The following SOX5 variants were observed in gnomAD, a reference collection of about 807,000 sequenced individuals.
SOX5 encodes SRY-box transcription factor 5.
A neutral mutation model predicts 92.0 loss-of-function variants in SOX5; 9 were observed. The ratio of observed to expected loss-of-function variants is 0.10; its 90% CI spans 0.06 to 0.17. The LOEUF (loss-of-function observed/expected upper bound fraction) is 0.17, where lower values mean the gene tolerates loss of function less well. Among genes scored for constraint, SOX5 ranks in the 10% least tolerant of loss-of-function variants. The probability of loss-of-function intolerance (pLI) is 1.00; values close to 1 mark genes in which losing one functional copy is unlikely to be tolerated. For synonymous variants in SOX5, 344 were observed against 336.3 expected, an observed-to-expected ratio of 1.02 and a Z score of -0.25; for missense variants, 642 against 944.5, an observed-to-expected ratio of 0.68 and a Z score of 4.20.
At chr12:24,324,372 T>C (rs537407241) in intron 2 of SOX5, among the ~76,000 whole-genome samples, 1 of 152,274 alleles carries the variant, frequency 6.6e-6, no homozygotes, top group Admixed American at 6.5e-5. Flanking sequence ...ACAAGCTATC[T>C]TCTGTCTCTG....
chr12:23,550,125 G>A (rs1943910694), intron 11 of SOX5, among the ~76,000 whole-genome samples: 2 of 151,932 alleles, frequency 1.3e-5, no homozygotes, highest in African/African-American at 4.8e-5. Context: ...TCTAAAAGGG[G>A]AGCCAAGAAA....
chr12:23,847,074 TA>T (rs1271912915), intron 2 of SOX5, among the ~76,000 whole-genome samples: 1 of 152,144 alleles, frequency 6.6e-6, no homozygotes, highest in Admixed American at 6.6e-5. Context: ...ATATTTTGTA[TA>T]AAACATATTA....
chr12:23,534,704 C>CTTT (rs60460683), intron 14 of SOX5, among the ~76,000 whole-genome samples, 182 bp from the exon 15 acceptor site: 12 of 108,840 alleles, frequency 1.1e-4, no homozygotes, highest in Non-Finnish European at 1.5e-4. Context: ...CTTTTCTTTT[C>CTTT]TTTTTTTTTT....
At chr12:24,147,107 G>A (rs1286577539) in intron 4 of SOX5, among the ~76,000 whole-genome samples, 4 of 152,114 alleles carry the variant, frequency 2.6e-5, no homozygotes, top group Non-Finnish European at 5.9e-5. Flanking sequence ...GTGAAAAGGA[G>A]GAAATGCTTC....
intron 2 of SOX5, among the ~76,000 whole-genome samples, chr12:24,312,112 A>C (rs568095265): frequency 3.9e-4 from 59 of 152,368 alleles, no homozygotes; most frequent in African/African-American, 1.3e-3. Flanking sequence ...CATTGAGACC[A>C]CAACTATTTA....
intron 1 of SOX5, among the ~76,000 whole-genome samples, chr12:24,533,033 T>A (rs969976782): frequency 6.6e-6 from 1 of 152,238 alleles, no homozygotes; most frequent in Non-Finnish European, 1.5e-5. Flanking sequence ...TAGAAGTCTA[T>A]ATCCTCAATG....
chr12:24,485,662 T>C (rs1284263186), intron 1 of SOX5, among the ~76,000 whole-genome samples: 3 of 152,190 alleles, frequency 2.0e-5, no homozygotes, highest in African/African-American at 7.2e-5. Context: ...TGGTATCTAA[T>C]AGTTATCAAT....
intron 1 of SOX5, among the ~76,000 whole-genome samples, chr12:24,370,439 C>T (rs1272237854): frequency 2.1e-5 from 3 of 140,960 alleles, no homozygotes; most frequent in Non-Finnish European, 4.5e-5. Flanking sequence ...ACTGCGCCAC[C>T]GCACTCCAGC....
chr12:24,281,578 G>A (rs1186283618), intron 2 of SOX5, among the ~76,000 whole-genome samples: 3 of 152,312 alleles, frequency 2.0e-5, no homozygotes, highest in East Asian at 1.9e-4. Context: ...CTTGGGCAAC[G>A]CTCACCGCAT....
At chr12:24,483,487 T>C (rs1946208703) in intron 1 of SOX5, among the ~76,000 whole-genome samples, 1 of 152,226 alleles carries the variant, frequency 6.6e-6, no homozygotes, top group African/African-American at 2.4e-5. Context: ...GCAGTCTTGT[T>C]AATCAAAACT....
At chr12:24,102,744 T>C (rs1215338360) in intron 4 of SOX5, among the ~76,000 whole-genome samples, 3 of 152,248 alleles carry the variant, frequency 2.0e-5, no homozygotes, top group African/African-American at 7.2e-5. Context: ...TCTTATCTAC[T>C]AATTCAGTTT....
intron 8 of SOX5, among the ~76,000 whole-genome samples, chr12:23,636,707 C>A (rs900192302): frequency 2.0e-5 from 3 of 152,142 alleles, no homozygotes; most frequent in Non-Finnish European, 4.4e-5. Flanking sequence ...CCTGCTACTT[C>A]TTTCATTATT....
intron 8 of SOX5, among the ~76,000 whole-genome samples, chr12:23,628,421 T>C (rs2078115190): frequency 6.6e-6 from 1 of 152,114 alleles, no homozygotes; most frequent in Non-Finnish European, 1.5e-5. Flanking sequence ...AAGGAAGTAA[T>C]TGTAACTTTC....
chr12:23,597,928 T>G (rs534829034), intron 9 of SOX5, among the ~76,000 whole-genome samples: 4 of 152,348 alleles, frequency 2.6e-5, no homozygotes, highest in African/African-American at 9.6e-5. Context: ...CTAATACCCC[T>G]TTCTGTCCTG....
chr12:24,087,392 C>T (rs964705651), intron 4 of SOX5, among the ~76,000 whole-genome samples: 2 of 152,014 alleles, frequency 1.3e-5, no homozygotes, highest in African/African-American at 4.8e-5. Flanking sequence ...ATGTCTCTTA[C>T]CTTTATTACT....
rs564187242 is a variant in SOX5 at position 23,567,540 on chromosome 12, A to G, written c.1343-4137T>C. The stretch of plus-strand genomic sequence containing the variant: ...CAGTGGCATGATCATAGCTCACTGC[A>G]ACCTTGAACTTCTGGGCTCAAGCAA... On this transcript the variant is annotated intron_variant, in intron 10 of 14. Transcript: ENST00000451604. Among the ~76,000 whole-genome samples the G allele has an allele frequency of 4.6e-4, 66 of 144,884 alleles. 1 individual carries two copies. The highest frequency in any genetic ancestry group is 1.6e-3 in the African/African-American group (62 of 38,694).
chr12:24,548,957 C>T (rs1475003317), intron 1 of SOX5, among the ~76,000 whole-genome samples: 2 of 152,196 alleles, frequency 1.3e-5, no homozygotes, highest in Non-Finnish European at 2.9e-5. Context: ...TGATCCCAAT[C>T]TCTCTCTACA....
intron 4 of SOX5, among the ~76,000 whole-genome samples, chr12:24,006,004 T>C (rs1260703103): frequency 6.6e-6 from 1 of 152,202 alleles, no homozygotes; most frequent in African/African-American, 2.4e-5. Context: ...GTTTTTGCAT[T>C]GATACCCAAT....
intron 4 of SOX5, among the ~76,000 whole-genome samples, chr12:24,028,786 A>G (rs1054055030): frequency 8.6e-5 from 13 of 152,042 alleles, no homozygotes; most frequent in Admixed American, 8.5e-4. Flanking sequence ...CAATATTTAT[A>G]AGTCCCTTTG....
Sources: allele counts gnomAD v4.1 joint callset (sites outside exome capture counted in the v4.1 genomes callset), GRCh38; gene constraint gnomAD v4.1.1; transcripts MANE v1.5; gene names NCBI Gene and HGNC (gene_info 2026-07-23, HGNC 2026-07-21).